The following PLD4 variants were observed in gnomAD, a reference collection of about 807,000 sequenced individuals.
PLD4 encodes 5'-3' exonuclease PLD4.
Under a neutral mutation model 52.3 loss-of-function variants are expected in PLD4, and 54 were observed. The ratio of observed to expected loss-of-function variants is 1.03; its 90% CI spans 0.83 to 1.30. PLD4 has a LOEUF of 1.30. Among genes scored for constraint, PLD4 ranks in the 50% most tolerant of loss-of-function variants. The pLI is 0.00. For synonymous variants in PLD4, 264 were observed against 286.5 expected, an observed-to-expected ratio of 0.92 and a Z score of 0.79; for missense variants, 731 against 671.1, an observed-to-expected ratio of 1.09 and a Z score of -0.99.
chr14:104,929,890 C>T (rs558823220), intron 5 of PLD4, 88 bp from the exon 6 acceptor site: 5 of 1,489,092 alleles, frequency 3.4e-6, no homozygotes, highest in Non-Finnish European at 4.6e-6. Context: ...CTGAGTCAAC[C>T]CCACTGTCAA....
At position 104,930,879 on chromosome 14, in the gene PLD4, C is replaced by T; in HGVS notation, c.855C>T (p.His285=). The change falls in exon 7 of 11, where the codon CAC becomes CAT. Residue 285 remains histidine (H), a synonymous_variant. Transcript: ENST00000392593. ...CCTGGCCTCAGAACTTCTCATCTCA[C>T]TTCAACCGTTTCCAGCCCTTCCACG... ...PKTWPQNFSS[H]FNRFQPFHGL... The T allele has an allele frequency of 6.2e-7, 1 of 1,613,578 alleles. No homozygotes were observed. Among genetic ancestry groups the T allele is most frequent in the Non-Finnish European group, 8.5e-7 (1 of 1,180,034 alleles).
intron 5 of PLD4, 53 bp downstream of exon 5, chr14:104,929,480 G>A (rs959445866): frequency 1.3e-6 from 2 of 1,491,972 alleles, no homozygotes; most frequent in Non-Finnish European, 1.8e-6. Context: ...GGCATGGGCT[G>A]TCTGGCTGGC....
At chr14:104,931,987 G>T in intron 8 of PLD4, 25 bp from the exon 9 acceptor site, 1 of 1,550,694 alleles carries the variant, frequency 6.4e-7, no homozygotes. Flanking sequence ...CTTGTAAGCA[G>T]AGCCCCGTCC....
In PLD4 at chr14:104,927,689, C is replaced by A; in HGVS notation, c.107C>A (p.Ala36Glu). ...REAGTLQVLG[A>E]LAVLWLGSVA... The stretch of plus-strand genomic sequence containing the variant: ...CCCATCCAGTTGCAGGTCCTGGGAG[C>A]GCTGGCTGTGCTGTGGCTGGGCTCC... The change falls in exon 3 of 11, where the codon GCG becomes GAG. Residue 36 changes from alanine to glutamate, a missense_variant. Transcript: ENST00000392593. The A allele has an allele frequency of 1.3e-6, 2 of 1,596,432 alleles. No individual in the cohort carries two copies. The highest frequency in any genetic ancestry group is 1.3e-5 in the African/African-American group (1 of 74,834).
chr14:104,926,469 G>T (rs1897459617), intron 1 of PLD4, among the ~76,000 whole-genome samples: 1 of 152,180 alleles, frequency 6.6e-6, no homozygotes, highest in Non-Finnish European at 1.5e-5. Flanking sequence ...AGGAGATAAG[G>T]CGAGTCCCTG....
At chr14:104,929,849 C>A in intron 5 of PLD4, 129 bp from the exon 6 acceptor site, 1 of 1,100,244 alleles carries the variant, frequency 9.1e-7, no homozygotes, top group Non-Finnish European at 1.3e-6. Context: ...ATGAGGATAG[C>A]AGCAGCTTAG....
rs535077912 is a variant in PLD4, at chr14:104,928,979, C to G, written c.468+47C>G. 5.1e-6 allele frequency: 8 copies of G among 1,554,108 alleles called. No individual in the cohort carries two copies. In the South Asian group the frequency reaches 6.0e-5, roughly 12 times the overall value. ...CCGCATCCTGGTGCTGGAAACACAG[C>G]AAGTCAGGCTGCCTATCTATGCAGG... On this transcript the variant is annotated intron_variant, in intron 4 of 10. Coordinates refer to ENST00000392593, the MANE Select transcript of PLD4 (RefSeq NM_138790.5).
Position 104,927,688 on chromosome 14 carries a change from G to A in PLD4, c.106G>A (p.Ala36Thr). 1 of 1,596,452 alleles carries A rather than the reference G, an allele frequency of 6.3e-7. No homozygotes were observed. The highest frequency in any genetic ancestry group is 8.5e-7 in the Non-Finnish European group (1 of 1,174,934). The stretch of plus-strand genomic sequence containing the variant: ...CCCCATCCAGTTGCAGGTCCTGGGA[G>A]CGCTGGCTGTGCTGTGGCTGGGCTC... ...REAGTLQVLG[A>T]LAVLWLGSVA... The change falls in exon 3 of 11, where the codon GCG becomes ACG. Residue 36 changes from alanine to threonine, a missense_variant. By Grantham distance (58) the Ala-to-Thr change is moderately conservative (BLOSUM62 0). Coordinates refer to ENST00000392593, the MANE Select transcript of PLD4 (RefSeq NM_138790.5).
In PLD4 at chr14:104,930,069, G is replaced by A; in HGVS notation, c.681G>A (p.Met227Ile). ...FWVVDGRHIY[M>I]GSANMDWRSL... The stretch of plus-strand genomic sequence containing the variant: ...TTGTGGATGGACGGCACATATACAT[G>A]GGCAGTGCCAACATGGACTGGCGGT... Residue 227 changes from methionine to isoleucine, a missense_variant, in exon 6 of 11, where the codon ATG becomes ATA. Met to Ile is a conservative substitution (Grantham distance 10). Transcript: ENST00000392593. 6.2e-7 allele frequency: 1 copy of A among 1,613,540 alleles called. No individual in the cohort carries two copies.
chr14:104,931,833 T>A lies in PLD4; in HGVS notation c.1004T>A (p.Ile335Asn). The A allele has an allele frequency of 1.3e-6, 2 of 1,569,472 alleles. No individual in the cohort carries two copies. The highest frequency in any genetic ancestry group is 3.4e-4 in the Middle Eastern group (2 of 5,916). The change falls in exon 8 of 11, where the codon ATC becomes AAC. Residue 335 changes from isoleucine to asparagine, a missense_variant. By Grantham distance (149) the Ile-to-Asn change is moderately radical (BLOSUM62 -3). Transcript: ENST00000392593. ...GTGATGGGGAGCGCCCAGGAGTTCA[T>A]CTATGCCTCCGTGATGGAGTATTTC... ...LAVMGSAQEF[I>N]YASVMEYFPT...
In PLD4 at chr14:104,933,103, C is replaced by G; in HGVS notation, c.*139C>G. On this transcript the variant is annotated 3_prime_UTR_variant, in exon 11 of 11. Coordinates refer to ENST00000392593, the MANE Select transcript of PLD4 (RefSeq NM_138790.5). Reference sequence around the variant, plus strand: ...GAGCCGCCTGCGACCGCCCGGGCGTCGCAAACCGCCCGCCTGCTCTCTGAT... The same window carrying G: ...GAGCCGCCTGCGACCGCCCGGGCGTGGCAAACCGCCCGCCTGCTCTCTGAT... 2 of 950,590 alleles carry G rather than the reference C, an allele frequency of 2.1e-6. No homozygotes were observed. The highest frequency in any genetic ancestry group is 3.0e-6 in the Non-Finnish European group (2 of 677,004). 58.9% of individuals were successfully genotyped at this position (950,590 alleles called of 1,614,324 possible).
At position 104,924,977 on chromosome 14, in the gene PLD4, C is replaced by G. The variant is rs1897408952; in HGVS notation, c.-14C>G. 2.0e-5 allele frequency: 3 copies of G among 152,638 alleles called. No individual in the cohort carries two copies. Among genetic ancestry groups the G allele is most frequent in the African/African-American group, 7.2e-5 (3 of 41,464 alleles). The allele number at this position is 152,638 out of a possible 1,614,324, so 9.5% of individuals were successfully genotyped here. On this transcript the variant is annotated 5_prime_UTR_variant, in exon 1 of 11. Coordinates refer to ENST00000392593, the MANE Select transcript of PLD4 (RefSeq NM_138790.5). This position sits in a 1 kb window ranked among gnomAD's most constrained non-coding sequence, Gnocchi z 4.4. The stretch of plus-strand genomic sequence containing the variant: ...GCTGGAATCAGGATAGACACCAAGG[C>G]AGGACCCCCAGAGGTATGTGCCAAT...
rs909231527 is a variant in PLD4 at position 104,932,444 on chromosome 14, T to A, written c.1321+89T>A. The A allele has an allele frequency of 4.9e-6, 7 of 1,423,904 alleles. No individual in the cohort carries two copies. In the African/African-American group the frequency reaches 5.6e-5, roughly 11 times the overall value. The allele number at this position is 1,423,904 out of a possible 1,614,324, so 88.2% of individuals were successfully genotyped here. A position where few individuals can be genotyped will look rare whatever the true frequency, so the allele number is the denominator to read the frequency against. On this transcript the variant is annotated intron_variant, in intron 10 of 10. Coordinates refer to ENST00000392593, the MANE Select transcript of PLD4 (RefSeq NM_138790.5). This position sits in a 1 kb window ranked among gnomAD's most constrained non-coding sequence, Gnocchi z 6.5. ...TGGCTTTGTGACCGGCGTGGACACC[T>A]CAGGAGGGAGGGGCTGCTGCTGAAG... is the stretch of plus-strand genomic sequence containing the variant.
intron 6 of PLD4, 78 bp downstream of exon 6, chr14:104,930,183 T>A (rs1897597531): frequency 1.3e-6 from 2 of 1,567,182 alleles, no homozygotes; most frequent in South Asian, 1.2e-5. Flanking sequence ...TGGCCTGACA[T>A]CTCAGTGCAT....
chr14:104,930,874 T>C lies in PLD4; in HGVS notation c.850T>C (p.Ser284Pro). ...CAAAACCTGGCCTCAGAACTTCTCA[T>C]CTCACTTCAACCGTTTCCAGCCCTT... ...LPKTWPQNFS[S>P]HFNRFQPFHG... Residue 284 changes from serine to proline, a missense_variant, in exon 7 of 11, where the codon TCT (serine) becomes CCT (proline). By Grantham distance (74) the Ser-to-Pro change is moderately conservative. Transcript: ENST00000392593. 6.2e-7 allele frequency: 1 copy of C among 1,613,532 alleles called. No homozygotes were observed. Among genetic ancestry groups the C allele is most frequent in the Admixed American group, 1.7e-5 (1 of 60,032 alleles).
chr14:104,929,812 C>T (rs929187347), intron 5 of PLD4, among the ~76,000 whole-genome samples, 166 bp from the exon 6 acceptor site: 3 of 152,208 alleles, frequency 2.0e-5, no homozygotes, highest in Non-Finnish European at 4.4e-5. Flanking sequence ...CAGTCTATCC[C>T]TCTGTGTCCT....
At chr14:104,930,690 A>G in intron 6 of PLD4, 52 bp from the exon 7 acceptor site, 2 of 1,583,604 alleles carry the variant, frequency 1.3e-6, no homozygotes, top group East Asian at 2.2e-5. Context: ...AGTGGGGTGG[A>G]GGCCCCACAG....
At chr14:104,931,910 CGGCCTGCTCTGCTGACG>C in intron 8 of PLD4, 23 bp downstream of exon 8, 3 of 1,527,952 alleles carry the variant, frequency 2.0e-6, no homozygotes, top group Non-Finnish European at 2.6e-6. Context: ...GGGAGGTGGG[CGGCCTGCTCTGCTGACG>C]GGCAGCTCCT....
intron 1 of PLD4, among the ~76,000 whole-genome samples, chr14:104,925,615 CAG>C (rs1209531610): frequency 1.3e-5 from 2 of 152,136 alleles, no homozygotes; most frequent in Admixed American, 6.5e-5. Flanking sequence ...AGCCACAGCC[CAG>C]GATTCCATGT....
Sources: gnomAD v4.1 joint callset for allele counts (sites outside exome capture counted in the v4.1 genomes callset) on GRCh38, gnomAD v4.1.1 for gene constraint, Gnocchi (gnomAD v3.1) non-coding constraint, MANE v1.5 for transcripts, NCBI Gene and HGNC (gene_info 2026-07-23, HGNC 2026-07-21) for gene names.